Variants in A2ML1 observed in about 807,000 individuals in gnomAD.
A2ML1 encodes the protein alpha-2-macroglobulin-like protein 1.
A2ML1 carries 161 observed loss-of-function variants against 181.9 expected under a neutral mutation model. The observed-to-expected ratio is 0.89, with a 90% CI of 0.78 to 1.01. The LOEUF (loss-of-function observed/expected upper bound fraction) is 1.01. A2ML1 is among the 50% of genes least tolerant of loss of function. A2ML1 has a pLI of 0.00. For missense variants in A2ML1, 1,670 were observed against 1,768.1 expected (o/e 0.94, Z 1.00); for synonymous variants, 663 against 666.8 (o/e 0.99, Z 0.09).
chr12:8,879,490 C>G (rs1416508346), downstream of A2ML1, among the ~76,000 whole-genome samples: 3 of 150,990 alleles, frequency 2.0e-5, no homozygotes, highest in African/African-American at 4.9e-5. Flanking sequence ...GACTTGGTGT[C>G]CAAAAAAAAA....
rs377156544 is a variant in A2ML1, at chr12:8,822,677, T to A, written c.26T>A (p.Met9Lys). 3 of 1,614,202 alleles carry A rather than the reference T, an allele frequency of 1.9e-6. No homozygotes were observed. The highest frequency in any genetic ancestry group is 2.5e-6 in the Non-Finnish European group (3 of 1,180,000). ...ATGTGGGCTCAGCTCCTTCTAGGAA[T>A]GTTGGCCCTATCACCAGCCATTGCA... is the stretch of plus-strand genomic sequence containing the variant. MWAQLLLGMLALSPAIAEE... is the reference protein window; with the variant it reads MWAQLLLGKLALSPAIAEE... Residue 9 changes from methionine to lysine, a missense_variant, in exon 1 of 36, where the codon ATG (methionine) becomes AAG (lysine). Transcript: ENST00000299698.
intron 25 of A2ML1, 72 bp from the exon 26 acceptor site, chr12:8,857,874 T>A: frequency 6.4e-7 from 1 of 1,573,358 alleles, no homozygotes; most frequent in Admixed American, 1.8e-5. Context: ...TACACCCAAA[T>A]AAATGAAGAA....
At position 8,841,025 on chromosome 12, in the gene A2ML1, A is replaced by AGGAAGGAAGGACGGACGGAC. The variant is rs1565471242; in HGVS notation, c.1081-333_1081-332insCGGACGGACGGAAGGAAGGA. ...AAGGAAGGAAGGACGGAAGGAAGGA[A>AGGAAGGAAGGACGGACGGAC]GGAAGGAAGGAAAGAAAAAAGAAAG... On this transcript the variant is annotated intron_variant, in intron 10 of 35. Coordinates refer to ENST00000299698, the MANE Select transcript of A2ML1 (RefSeq NM_144670.6). Among the ~76,000 whole-genome samples, 38 of 126,324 alleles carry AGGAAGGAAGGACGGACGGAC rather than the reference A, an allele frequency of 3.0e-4. 1 individual carries two copies. In the East Asian group the frequency reaches 7.2e-3, roughly 24 times the overall value. 82.9% of individuals were successfully genotyped at this position (126,324 alleles called of 152,430 possible). A position where few individuals can be genotyped will look rare whatever the true frequency, so the allele number is the denominator to read the frequency against.
intron 7 of A2ML1, among the ~76,000 whole-genome samples, chr12:8,884,035 C>T (rs934240283): frequency 1.3e-5 from 2 of 152,130 alleles, no homozygotes; most frequent in African/African-American, 2.4e-5. Context: ...ATCTGCCTGC[C>T]TTGGCCTCCC....
intron 32 of A2ML1, among the ~76,000 whole-genome samples, 162 bp from the exon 33 acceptor site, chr12:8,868,973 G>T (rs571554983): frequency 2.0e-5 from 3 of 152,004 alleles, no homozygotes; most frequent in Non-Finnish European, 4.4e-5. Flanking sequence ...GGGCTGCAAG[G>T]TTGTAGCAGA....
At chr12:8,884,231 G>GTTTTTTTTTTTTTTTTTTTT (rs796251871) in intron 7 of A2ML1, among the ~76,000 whole-genome samples, 1 of 121,558 alleles carries the variant, frequency 8.2e-6, no homozygotes, top group East Asian at 2.3e-4. Context: ...TTTATTTTTT[G>GTTTTTTTTTTTTTTTTTTTT]TTTTTTTTTG....
intron 23 of A2ML1, 85 bp from the exon 24 acceptor site, chr12:8,857,079 G>T: frequency 1.5e-6 from 2 of 1,321,566 alleles, no homozygotes; most frequent in Admixed American, 2.1e-5. Context: ...TAGCTAATAC[G>T]TGTTTGTTCA....
intron 18 of A2ML1, 130 bp from the exon 19 acceptor site, chr12:8,851,654 C>T: frequency 1.2e-6 from 1 of 825,720 alleles, no homozygotes; most frequent in Non-Finnish European, 1.9e-6. Context: ...TATCTGCTCA[C>T]CTCAGCCTCT....
intron 1 of A2ML1, 87 bp from the exon 2 acceptor site, chr12:8,823,095 T>G: frequency 6.0e-6 from 8 of 1,336,802 alleles, no homozygotes; most frequent in South Asian, 1.4e-5. Flanking sequence ...TCTAATTCAC[T>G]GCTACTTGCT....
rs200670981 is a variant in A2ML1, at chr12:8,843,168, C to T, written c.1283C>T (p.Pro428Leu). 45 of 1,614,094 alleles carry T rather than the reference C, an allele frequency of 2.8e-5. No individual in the cohort carries two copies. The Admixed American group carries it at 3.8e-4, about 14-fold the overall frequency. The change falls in exon 12 of 36, where the codon CCG (proline) becomes CTG (leucine). Residue 428 changes from proline (P) to leucine (L), a missense_variant. By Grantham distance (98) the Pro-to-Leu change is moderately conservative. Coordinates refer to ENST00000299698, the MANE Select transcript of A2ML1 (RefSeq NM_144670.6). Reference sequence around the variant, plus strand: ...CAAATGGAAGACTTAGTATATAATCCGGAACAAGTGCCACGTTACTACCAA... The same window carrying T: ...CAAATGGAAGACTTAGTATATAATCTGGAACAAGTGCCACGTTACTACCAA... ...KFQMEDLVYN[P>L]EQVPRYYQNA...
At chr12:8,880,223 G>A (rs758448942), downstream of A2ML1, among the ~76,000 whole-genome samples, 16 of 152,062 alleles carry the variant, frequency 1.1e-4, no homozygotes, top group South Asian at 1.0e-3. Context: ...AAAATCAGCC[G>A]AGTGTGGTGG....
At chr12:8,833,866 C>T (rs954826571) in intron 4 of A2ML1, among the ~76,000 whole-genome samples, 4 of 152,060 alleles carry the variant, frequency 2.6e-5, no homozygotes, top group Non-Finnish European at 5.9e-5. Context: ...GCCATTATCC[C>T]TACTATCAAG....
At position 8,886,010 on chromosome 12, in the gene A2ML1, T is replaced by TCACACACACACACACA. The variant is rs35294269; in HGVS notation, c.*95-477_*95-462dup. Among the ~76,000 whole-genome samples the TCACACACACACACACA allele has an allele frequency of 5.1e-4, 74 of 145,002 alleles. 1 individual carries two copies. The highest frequency in any genetic ancestry group is 2.1e-3 in the South Asian group (9 of 4,390). On this transcript the variant is annotated intron_variant and NMD_transcript_variant, in intron 7 of 7. Coordinates refer to the A2ML1 transcript ENST00000537475. ...ACTTCGCCTATCCTTCAACAATATC[T>TCACACACACACACACA]CACACACACACACACACACACACAC...
chr12:8,829,879 G>C, intron 4 of A2ML1, 100 bp downstream of exon 4: 2 of 1,457,076 alleles, frequency 1.4e-6, no homozygotes, highest in Non-Finnish European at 1.9e-6. Context: ...GTGGCAAGGC[G>C]AGGCCCTCTG....
intron 3 of A2ML1, among the ~76,000 whole-genome samples, chr12:8,827,555 C>G (rs1187138395): frequency 1.3e-5 from 2 of 152,050 alleles, no homozygotes; most frequent in Non-Finnish European, 2.9e-5. Context: ...ATTTTGAATT[C>G]TCGATCTGAA....
intron 11 of A2ML1, 120 bp downstream of exon 11, chr12:8,841,656 TC>T: frequency 1.9e-6 from 2 of 1,049,942 alleles, no homozygotes; most frequent in Non-Finnish European, 2.7e-6. Context: ...CACTCACAAG[TC>T]CTGCTCTCCC....
rs1171419424 is a variant in A2ML1, at chr12:8,850,220, C to T, written c.2180C>T (p.Ser727Phe). The change falls in exon 18 of 36, where the codon TCT becomes TTT. Residue 727 changes from serine to phenylalanine, a missense_variant. Physicochemically the swap from Ser to Phe is radical, Grantham distance 155. Transcript: ENST00000299698. ...SSTPLHQAED[S>F]QVRQYFPETW... ...ACTCCTTTACATCAAGCAGAGGATT[C>T]TCAGGTCCGCCAGTACTTCCCAGAG... 9 of 1,613,510 alleles carry T rather than the reference C, an allele frequency of 5.6e-6. No homozygotes were observed. The highest frequency in any genetic ancestry group is 5.1e-6 in the Non-Finnish European group (6 of 1,179,834).
downstream of A2ML1, among the ~76,000 whole-genome samples, chr12:8,887,373 A>G (rs556081268): frequency 1.3e-5 from 2 of 152,142 alleles, no homozygotes; most frequent in Non-Finnish European, 2.9e-5. Flanking sequence ...TCCCCCACAT[A>G]TTTTGTAAGT....
At position 8,823,898 on chromosome 12, in the gene A2ML1, T is replaced by C; in HGVS notation, c.409+16T>C. 6.2e-7 allele frequency: 1 copy of C among 1,602,336 alleles called. No individual in the cohort carries two copies. The highest frequency in any genetic ancestry group is 8.5e-7 in the Non-Finnish European group (1 of 1,173,292). ...GGGCAGCAAGGTAAGAGTCACATAT[T>C]TGGGGTTCGACTAAAACCTGGGGAA... On this transcript the variant is annotated intron_variant, in intron 3 of 35. Transcript: ENST00000299698.
Sources: gnomAD v4.1 joint callset for allele counts (sites outside exome capture counted in the v4.1 genomes callset) on GRCh38, gnomAD v4.1.1 for gene constraint, MANE v1.5 for transcripts, NCBI Gene and HGNC (gene_info 2026-07-23, HGNC 2026-07-21) for gene names.